The following SCAF4 variants were observed in gnomAD, a reference collection of about 807,000 sequenced individuals.
SCAF4 encodes SR-related and CTD-associated factor 4.
In SCAF4, 25 loss-of-function variants were observed where a neutral mutation model predicts 129.8. The ratio of observed to expected loss-of-function variants is 0.19; its 90% CI spans 0.14 to 0.27. The LOEUF is 0.27. Ranked by LOEUF, SCAF4 falls within the 10% of genes least tolerant of loss-of-function variation. The pLI, the probability that SCAF4 is intolerant of heterozygous loss-of-function variation, is 1.00. For synonymous variants in SCAF4, 551 were observed against 497.7 expected (o/e 1.11, Z -1.43); for missense variants, 1,246 against 1,457.1 (o/e 0.86, Z 2.36).
chr21:31,704,148 CTT>C (rs917259706), intron 3 of SCAF4, among the ~76,000 whole-genome samples: 6 of 152,136 alleles, frequency 3.9e-5, no homozygotes, highest in African/African-American at 1.2e-4. Flanking sequence ...AGATTTTACT[CTT>C]CTTTGATTTC....
In SCAF4 at chr21:31,671,887, C is replaced by T. The variant is rs2049709893; in HGVS notation, c.2956G>A (p.Asp986Asn). ...CCTGAATTGAACTGCTGCCTGTTATCATTTCTAAACTGCTGTGGCTGCTGC... is the reference window on the plus strand; with the variant it reads ...CCTGAATTGAACTGCTGCCTGTTATTATTTCTAAACTGCTGTGGCTGCTGC... ...TQQQPQQFRN[D>N]NRQQFNSGRD... Residue 986 changes from aspartate (D) to asparagine (N), a missense_variant, in exon 20 of 20, where the codon GAT becomes AAT. Asp to Asn is a conservative substitution (Grantham distance 23, BLOSUM62 1). Coordinates refer to ENST00000286835, the MANE Select transcript of SCAF4 (RefSeq NM_020706.2). 6.2e-7 allele frequency: 1 copy of T among 1,614,196 alleles called. No homozygotes were observed. The highest frequency in any genetic ancestry group is 8.5e-7 in the Non-Finnish European group (1 of 1,180,024).
At chr21:31,705,624 A>ATTT (rs1568850729) in intron 2 of SCAF4, among the ~76,000 whole-genome samples, 157 bp from the exon 3 acceptor site, 3 of 152,130 alleles carry the variant, frequency 2.0e-5, no homozygotes, top group East Asian at 3.9e-4. Context: ...ATATTAAAAA[A>ATTT]CTCAGAGAAA....
chr21:31,693,617 A>T (rs187414628), intron 11 of SCAF4, 133 bp from the exon 12 acceptor site: 158 of 469,848 alleles, frequency 3.4e-4, no homozygotes, highest in African/African-American at 3.0e-3. Flanking sequence ...ATACCTGAGA[A>T]TTCATTTTAC....
intron 5 of SCAF4, 102 bp from the exon 6 acceptor site, chr21:31,702,020 G>C (rs1346177714): frequency 9.9e-6 from 14 of 1,420,222 alleles, no homozygotes; most frequent in African/African-American, 1.5e-5. Context: ...ATTTAACAAA[G>C]TATAAAATAT....
At position 31,695,816 on chromosome 21, in the gene SCAF4, C is replaced by T. The variant is rs553261503; in HGVS notation, c.1068+297G>A. Among the ~76,000 whole-genome samples the T allele has an allele frequency of 3.9e-4, 59 of 152,280 alleles. 2 individuals are homozygous for T. The highest frequency in any genetic ancestry group is 1.4e-3 in the African/African-American group (59 of 41,554). On this transcript the variant is annotated intron_variant, in intron 9 of 19. Coordinates refer to ENST00000286835, the MANE Select transcript of SCAF4 (RefSeq NM_020706.2). ...AACCACACAAAATACAGAAGGAAGG[C>T]CCTTCCAAGGGAAAAAGCTGTATAA...
At chr21:31,706,073 A>G (rs1332524487) in intron 2 of SCAF4, among the ~76,000 whole-genome samples, 1 of 152,014 alleles carries the variant, frequency 6.6e-6, no homozygotes, top group Non-Finnish European at 1.5e-5. Flanking sequence ...CTATCCCCCT[A>G]CCCCCACCAA....
At chr21:31,722,151 G>C (rs985903219) in intron 1 of SCAF4, among the ~76,000 whole-genome samples, 1 of 152,098 alleles carries the variant, frequency 6.6e-6, no homozygotes, top group African/African-American at 2.4e-5. Flanking sequence ...TGTCAAATCT[G>C]CACATTTTTA....
rs1042208213 is a variant in SCAF4 at position 31,699,061 on chromosome 21, C to T, written c.777+1934G>A. On this transcript the variant is annotated intron_variant, in intron 7 of 19. Coordinates refer to ENST00000286835, the MANE Select transcript of SCAF4 (RefSeq NM_020706.2). ...AAGAGTGAAGTGGGAGGGGGAGAGACGGGATACCAGGAAATGAAAGACAGT... is the reference window on the plus strand; with the variant it reads ...AAGAGTGAAGTGGGAGGGGGAGAGATGGGATACCAGGAAATGAAAGACAGT... Among the ~76,000 whole-genome samples, 11 of 151,934 alleles carry T rather than the reference C, an allele frequency of 7.2e-5. No homozygotes were observed. The East Asian group carries it at 9.7e-4, about 13-fold the overall frequency.
At chr21:31,702,431 G>C (rs747047034) in intron 4 of SCAF4, 52 bp from the exon 5 acceptor site, 3 of 1,482,218 alleles carry the variant, frequency 2.0e-6, no homozygotes. Flanking sequence ...ATAAATAACC[G>C]ATTATACTCT....
intron 3 of SCAF4, 66 bp from the exon 4 acceptor site, chr21:31,703,992 T>C: frequency 9.6e-7 from 1 of 1,042,648 alleles, no homozygotes; most frequent in Admixed American, 2.3e-5. Context: ...CCCATTATTT[T>C]CACATTTATG....
chr21:31,701,814 C>G lies in SCAF4; in HGVS notation c.562G>C (p.Ala188Pro). ...GTTGTCTGAAACAGCTGAGCCACAG[C>G]AGCAAAAGCATCAGAGCTGGGCAAC... Reference protein sequence around the residue: ...PQLPSSDAFAAVAQLFQTTQG... With the variant: ...PQLPSSDAFAPVAQLFQTTQG... The change falls in exon 6 of 20, where the codon GCT (alanine) becomes CCT (proline). Residue 188 changes from alanine to proline, a missense_variant. Ala to Pro is a conservative substitution (Grantham distance 27). Around this residue, in one of 6 missense-constraint regions of SCAF4, gnomAD observed 143 missense variants for 161.0 expected, o/e 0.89. Transcript: ENST00000286835. 1 of 1,613,428 alleles carries G rather than the reference C, an allele frequency of 6.2e-7. No individual in the cohort carries two copies. Among genetic ancestry groups the G allele is most frequent in the Non-Finnish European group, 8.5e-7 (1 of 1,179,846 alleles).
At chr21:31,709,377 GA>G (rs2050745767) in intron 1 of SCAF4, among the ~76,000 whole-genome samples, 1 of 145,254 alleles carries the variant, frequency 6.9e-6, no homozygotes, top group South Asian at 2.2e-4. Context: ...AAGAAAGAAA[GA>G]AAGAAATGAG....
chr21:31,675,963 A>C (rs376956340), intron 19 of SCAF4, among the ~76,000 whole-genome samples: 8 of 152,206 alleles, frequency 5.3e-5, no homozygotes, highest in East Asian at 3.8e-4. Context: ...AATGTGCATA[A>C]GGGATACAAA....
chr21:31,695,208 A>G (rs2050356534), intron 9 of SCAF4, among the ~76,000 whole-genome samples: 1 of 152,232 alleles, frequency 6.6e-6, no homozygotes, highest in South Asian at 2.1e-4. Flanking sequence ...ATGAACACAC[A>G]GGTTTAGTTT....
intron 7 of SCAF4, among the ~76,000 whole-genome samples, chr21:31,699,536 T>C (rs1166596406): frequency 1.3e-5 from 2 of 151,762 alleles, no homozygotes; most frequent in Non-Finnish European, 2.9e-5. Context: ...ATATTTCCTT[T>C]TTACTCAAAA....
At chr21:31,680,059 T>G (rs1197479037) in intron 19 of SCAF4, among the ~76,000 whole-genome samples, 2 of 152,216 alleles carry the variant, frequency 1.3e-5, no homozygotes, top group Non-Finnish European at 2.9e-5. Context: ...TTACAGCAAT[T>G]AACTTTGTCT....
chr21:31,701,744 C>A (rs377200153), intron 6 of SCAF4, 32 bp downstream of exon 6: 7 of 1,584,838 alleles, frequency 4.4e-6, no homozygotes, highest in East Asian at 2.3e-5. Context: ...CCTAGTCCTG[C>A]AAACAATTTC....
intron 15 of SCAF4, among the ~76,000 whole-genome samples, chr21:31,689,329 GCT>G (rs1195270049): frequency 8.6e-5 from 13 of 151,308 alleles, no homozygotes; most frequent in African/African-American, 2.9e-4. Flanking sequence ...ACAGAGTCTT[GCT>G]CTGTCTCCCA....
rs1415417582 is a variant in SCAF4 at position 31,688,370 on chromosome 21, T to C, written c.1980A>G (p.Lys660=). The change falls in exon 16 of 20, where the codon AAA becomes AAG. Residue 660 remains lysine, a synonymous_variant. Coordinates refer to ENST00000286835, the MANE Select transcript of SCAF4 (RefSeq NM_020706.2). ...TAGGAGGGACAGGCACAGGTAATGGTTTAGGTATGGGTGATACTGGTTCTG... is the reference window on the plus strand; with the variant it reads ...TAGGAGGGACAGGCACAGGTAATGGCTTAGGTATGGGTGATACTGGTTCTG... ...SHTEPVSPIP[K]PLPVPVPPIP... 5 of 1,613,480 alleles carry C rather than the reference T, an allele frequency of 3.1e-6. No individual in the cohort carries two copies. The highest frequency in any genetic ancestry group is 4.5e-5 in the East Asian group (2 of 44,854).
Sources: allele counts gnomAD v4.1 joint callset (sites outside exome capture counted in the v4.1 genomes callset), GRCh38; gene constraint gnomAD v4.1.1; regional missense constraint gnomAD v4.1.1; transcripts MANE v1.5; gene names NCBI Gene and HGNC (gene_info 2026-07-23, HGNC 2026-07-21).